ALMS1: variants seen among roughly 807,000 people sequenced by gnomAD.
The protein encoded by ALMS1 is centrosome-associated protein ALMS1.
In ALMS1, 271 loss-of-function variants were observed where a neutral mutation model predicts 352.2. The ratio of observed to expected loss-of-function variants is 0.77; its 90% CI spans 0.70 to 0.85. The LOEUF is 0.85. ALMS1 is among the 40% of genes least tolerant of loss of function. The pLI is 0.00. For synonymous variants in ALMS1, 1,865 were observed against 1,761.2 expected (o/e 1.06, Z -1.48); for missense variants, 5,445 against 4,870.7 (o/e 1.12, Z -3.51).
At chr2:73,447,504 G>A (rs1028042222) in intron 7 of ALMS1, among the ~76,000 whole-genome samples, 1 of 152,084 alleles carries the variant, frequency 6.6e-6, no homozygotes, top group African/African-American at 2.4e-5. Context: ...GTGGGACTTG[G>A]GGGCAGGAGG....
At chr2:73,562,802 G>C (rs1348136317) in intron 15 of ALMS1, among the ~76,000 whole-genome samples, 1 of 151,932 alleles carries the variant, frequency 6.6e-6, no homozygotes, top group African/African-American at 2.4e-5. Context: ...CAGGAGAAGC[G>C]CTTGATTCCG....
intron 8 of ALMS1, among the ~76,000 whole-genome samples, chr2:73,454,757 C>T (rs901658234): frequency 2.0e-4 from 30 of 152,104 alleles, no homozygotes; most frequent in Non-Finnish European, 4.3e-4. Context: ...GGTTAACTTC[C>T]TACGCTGTTC....
At chr2:73,471,234 T>C (rs1173060914) in intron 9 of ALMS1, among the ~76,000 whole-genome samples, 1 of 151,522 alleles carries the variant, frequency 6.6e-6, no homozygotes, top group Non-Finnish European at 1.5e-5. Context: ...CTTTTTTTTT[T>C]TTCTTTCGTG....
chr2:73,477,016 A>T (rs975206099), intron 9 of ALMS1, among the ~76,000 whole-genome samples: 10 of 152,128 alleles, frequency 6.6e-5, no homozygotes, highest in African/African-American at 2.4e-4. Flanking sequence ...ATGTTAAGTG[A>T]AGACTTATTG....
chr2:73,448,009 G>C lies in ALMS1; in HGVS notation c.1482G>C (p.Lys494Asn). The C allele has an allele frequency of 1.9e-6, 3 of 1,613,678 alleles. No homozygotes were observed. The highest frequency in any genetic ancestry group is 2.5e-6 in the Non-Finnish European group (3 of 1,179,800). Residue 494 changes from lysine to asparagine, a missense_variant, in exon 8 of 23, where the codon AAG becomes AAC. Lys to Asn is a moderately conservative substitution (Grantham distance 94, BLOSUM62 0). Coordinates refer to ENST00000613296, the MANE Select transcript of ALMS1 (RefSeq NM_001378454.1). ...GIAKVTQSNL[K>N]SGITTTPVDS... ...CTAAAGTTACTCAATCCAACTTGAA[G>C]TCAGGCATCACTACCACTCCTGTTG... is the stretch of plus-strand genomic sequence containing the variant.
At chr2:73,421,400 T>G (rs1200629973) in intron 3 of ALMS1, among the ~76,000 whole-genome samples, 1 of 152,096 alleles carries the variant, frequency 6.6e-6, no homozygotes, top group Non-Finnish European at 1.5e-5. Flanking sequence ...CTCTAGTGTA[T>G]TTGGGGACTT....
chr2:73,450,970 G>A lies in ALMS1; in HGVS notation c.4443G>A (p.Lys1481=). The A allele has an allele frequency of 6.2e-7, 1 of 1,613,956 alleles. No individual in the cohort carries two copies. Among genetic ancestry groups the A allele is most frequent in the Non-Finnish European group, 8.5e-7 (1 of 1,179,952 alleles). Residue 1481 remains lysine, a synonymous_variant, in exon 8 of 23, where the codon AAG becomes AAA. Coordinates refer to ENST00000613296, the MANE Select transcript of ALMS1 (RefSeq NM_001378454.1). ...VTSPSSSFGE[K]PIVIYKQAFP... is the part of the protein sequence containing the mutation. ...CCCCTTCCAGCTCATTTGGAGAGAA[G>A]CCCATTGTTATCTACAAACAGGCCT... is the stretch of plus-strand genomic sequence containing the variant.
intron 11 of ALMS1, among the ~76,000 whole-genome samples, chr2:73,526,130 G>A (rs949408231): frequency 1.1e-4 from 17 of 152,146 alleles, no homozygotes; most frequent in Non-Finnish European, 1.9e-4. Context: ...CTGTTTCATT[G>A]GTTTATGTGC....
intron 1 of ALMS1, among the ~76,000 whole-genome samples, chr2:73,386,485 G>C (rs942157242): frequency 6.6e-6 from 1 of 152,164 alleles, no homozygotes; most frequent in African/African-American, 2.4e-5. Context: ...AGAGGACCAC[G>C]GGTGTGTCGA....
At position 73,387,280 on chromosome 2, in the gene ALMS1, A is replaced by C. The variant is rs541660737; in HGVS notation, c.324+1088A>C. Among the ~76,000 whole-genome samples, 6 of 152,374 alleles carry C rather than the reference A, an allele frequency of 3.9e-5. No individual in the cohort carries two copies. In the East Asian group the frequency reaches 1.2e-3, roughly 29 times the overall value. ...GTGCTAAGGAAAGCTTGGTGAACCC[A>C]AACATTTTTGGTCTCTGCCTTCCTT... On this transcript the variant is annotated intron_variant, in intron 1 of 22. Coordinates refer to ENST00000613296, the MANE Select transcript of ALMS1 (RefSeq NM_001378454.1).
At chr2:73,554,477 G>A (rs890427803) in intron 13 of ALMS1, among the ~76,000 whole-genome samples, 1 of 151,890 alleles carries the variant, frequency 6.6e-6, no homozygotes, top group Non-Finnish European at 1.5e-5. Context: ...GGGCCAAGGC[G>A]GGTGGATCAC....
In ALMS1 at chr2:73,424,540, G is replaced by T; in HGVS notation, c.875G>T (p.Arg292Leu). 4 of 1,612,692 alleles carry T rather than the reference G, an allele frequency of 2.5e-6. No homozygotes were observed. Among genetic ancestry groups the T allele is most frequent in the Non-Finnish European group, 3.4e-6 (4 of 1,179,324 alleles). ...GTAGCTTCAGACTTAGCAAGCAGTC[G>T]CTTTAGTGTATCTCAGCACCCGCTT... The part of the protein sequence containing the change: ...AEVASDLASS[R>L]FSVSQHPLIG... Residue 292 changes from arginine to leucine, a missense_variant, in exon 5 of 23, where the codon CGC (arginine) becomes CTC (leucine). Physicochemically the swap from Arg to Leu is moderately radical, Grantham distance 102 (BLOSUM62 -2). Coordinates refer to ENST00000613296, the MANE Select transcript of ALMS1 (RefSeq NM_001378454.1).
At chr2:73,593,861 T>G (rs971183399) in intron 16 of ALMS1, among the ~76,000 whole-genome samples, 4 of 152,222 alleles carry the variant, frequency 2.6e-5, no homozygotes, top group Admixed American at 2.0e-4. Flanking sequence ...GTGACTGACT[T>G]CATTCACTTA....
intron 10 of ALMS1, among the ~76,000 whole-genome samples, chr2:73,514,859 G>A (rs1673524293): frequency 6.6e-6 from 1 of 152,112 alleles, no homozygotes; most frequent in Non-Finnish European, 1.5e-5. Flanking sequence ...TTTGTTGAAA[G>A]GCCAAGTGTC....
At chr2:73,523,654 C>G (rs752683019) in intron 11 of ALMS1, among the ~76,000 whole-genome samples, 17 of 152,094 alleles carry the variant, frequency 1.1e-4, no homozygotes, top group African/African-American at 1.7e-4. Context: ...GTAATCCCAG[C>G]TACTCGGGAG....
At chr2:73,550,166 G>C (rs1674399503) in intron 12 of ALMS1, 101 bp from the exon 13 acceptor site, 2 of 1,304,598 alleles carry the variant, frequency 1.5e-6, no homozygotes, top group Admixed American at 3.7e-5. Context: ...GGCCTGTAGT[G>C]CTTTTTTCAT....
chr2:73,391,070 G>C (rs377055812), intron 1 of ALMS1, among the ~76,000 whole-genome samples: 1 of 151,510 alleles, frequency 6.6e-6, no homozygotes, highest in South Asian at 2.1e-4. Flanking sequence ...CACTGCGCCC[G>C]GCCCAACAGT....
chr2:73,529,752 T>C (rs1004856993), intron 11 of ALMS1, among the ~76,000 whole-genome samples: 3 of 152,170 alleles, frequency 2.0e-5, no homozygotes, highest in African/African-American at 7.2e-5. Flanking sequence ...CTGGTTAATT[T>C]ATAAAGAAAG....
intron 13 of ALMS1, among the ~76,000 whole-genome samples, chr2:73,552,355 T>C (rs1674457106): frequency 6.6e-6 from 1 of 152,216 alleles, no homozygotes; most frequent in Non-Finnish European, 1.5e-5. Flanking sequence ...AAATGAAAAC[T>C]CTTCTGCACC....
Sources: gnomAD v4.1 joint callset for allele counts (sites outside exome capture counted in the v4.1 genomes callset) on GRCh38, gnomAD v4.1.1 for gene constraint, MANE v1.5 for transcripts, NCBI Gene and HGNC (gene_info 2026-07-23, HGNC 2026-07-21) for gene names.